Variants in TMEM210 observed in about 807,000 individuals in gnomAD.
TMEM210 encodes transmembrane protein 210.
TMEM210 carries 7 observed loss-of-function variants against 10.3 expected under a neutral mutation model. That is an observed-to-expected ratio of 0.68 (90% confidence interval 0.39 to 1.28). The LOEUF (loss-of-function observed/expected upper bound fraction) is 1.28, where lower values mean the gene tolerates loss of function less well. Among genes scored for constraint, TMEM210 ranks in the 50% most tolerant of loss-of-function variants. The probability of loss-of-function intolerance (pLI) is 0.01; values close to 1 mark genes in which losing one functional copy is unlikely to be tolerated. For missense variants in TMEM210, 185 were observed against 197.8 expected (o/e 0.94, Z 0.39); for synonymous variants, 79 against 81.2 (o/e 0.97, Z 0.14).
rs1834095067 is a variant in TMEM210, at chr9:137,170,977, A to G, written c.442T>C (p.Ter148GlnextTer26). 32 of 1,533,752 alleles carry G rather than the reference A, an allele frequency of 2.1e-5. No homozygotes were observed. Among genetic ancestry groups the G allele is most frequent in the Non-Finnish European group, 2.4e-5 (27 of 1,145,872 alleles). Residue 148 changes from the stop codon to glutamine (Q), a stop_lost, in exon 4 of 4, where the codon TAG becomes CAG. Transcript: ENST00000413619. ...PPPPPPLPPE[*>Q] Reference sequence around the variant, plus strand: ...CTCCCCCAGCTGCCCTCAGCCCTCTACTCAGGTGGTAGGGGCGGGGGTGGT... The same window carrying G: ...CTCCCCCAGCTGCCCTCAGCCCTCTGCTCAGGTGGTAGGGGCGGGGGTGGT...
rs772373912 is a variant in TMEM210 at position 137,171,089 on chromosome 9, G to C, written c.330C>G (p.Asp110Glu). The change falls in exon 4 of 4, where the codon GAC (aspartate) becomes GAG (glutamate). Residue 110 changes from aspartate to glutamate, a missense_variant. Coordinates refer to ENST00000413619, the MANE Select transcript of TMEM210 (RefSeq NM_001282477.2). Reference sequence around the variant, plus strand: ...GCACCAGGGAGACCTCCAGGTCAGCGTCCATTAGCTGGGACTCCACGTAAA... The same window carrying C: ...GCACCAGGGAGACCTCCAGGTCAGCCTCCATTAGCTGGGACTCCACGTAAA... Reference protein sequence around the residue: ...HPVYVESQLMDADLEVSLVPP... With the variant: ...HPVYVESQLMEADLEVSLVPP... The C allele has an allele frequency of 2.0e-6, 3 of 1,535,298 alleles. No homozygotes were observed. The highest frequency in any genetic ancestry group is 2.7e-5 in the African/African-American group (2 of 72,972).
rs1834114530 is a variant in TMEM210 at position 137,171,794 on chromosome 9, C to G, written c.89-18G>C. 2 of 1,519,880 alleles carry G rather than the reference C, an allele frequency of 1.3e-6. No homozygotes were observed. Among genetic ancestry groups the G allele is most frequent in the Non-Finnish European group, 1.8e-6 (2 of 1,137,656 alleles). 94.1% of individuals were successfully genotyped at this position (1,519,880 alleles called of 1,614,324 possible). A position where few individuals can be genotyped will look rare whatever the true frequency, so the allele number is the denominator to read the frequency against. On this transcript the variant is annotated intron_variant, in intron 1 of 3. Transcript: ENST00000413619. ...GGTTCCAGCTGCAGAGACAGGGCCACATGGCCATGGGCCGGTCACCTGCCT... is the reference window on the plus strand; with the variant it reads ...GGTTCCAGCTGCAGAGACAGGGCCAGATGGCCATGGGCCGGTCACCTGCCT...
At chr9:137,171,218 C>G in intron 3 of TMEM210, 54 bp from the exon 4 acceptor site, 1 of 1,513,200 alleles carries the variant, frequency 6.6e-7, no homozygotes, top group Non-Finnish European at 8.8e-7. Flanking sequence ...TCCCCCAGGA[C>G]AGGCTGGCGT....
intron 3 of TMEM210, 44 bp downstream of exon 3, chr9:137,171,370 C>T (rs1834104085): frequency 1.3e-6 from 2 of 1,535,346 alleles, no homozygotes; most frequent in Middle Eastern, 1.7e-4. Flanking sequence ...CAAGGGCCTC[C>T]CCTGAGACAG....
At chr9:137,171,468 G>C in intron 2 of TMEM210, 25 bp from the exon 3 acceptor site, 1 of 1,535,522 alleles carries the variant, frequency 6.5e-7, no homozygotes, top group Non-Finnish European at 8.7e-7. Context: ...GCCAACATGA[G>C]TCCTGGAACA....
rs1214682454 is a variant in TMEM210, at chr9:137,172,047, G to T, written c.-20C>A. ...GGCCATGTCCAGCCCTGGCCCCACT[G>T]CACACCTCTGACGGAACTGTTGGAA... On this transcript the variant is annotated 5_prime_UTR_variant, in exon 1 of 4. Transcript: ENST00000413619. 1.5e-6 allele frequency: 2 copies of T among 1,374,326 alleles called. No homozygotes were observed. Among genetic ancestry groups the T allele is most frequent in the Non-Finnish European group, 1.9e-6 (2 of 1,067,340 alleles). The allele number at this position is 1,374,326 out of a possible 1,614,324, so 85.1% of individuals were successfully genotyped here.
intron 1 of TMEM210, 36 bp from the exon 2 acceptor site, chr9:137,171,812 A>C (rs1588752158): frequency 6.7e-7 from 1 of 1,487,458 alleles, no homozygotes; most frequent in South Asian, 1.3e-5. Flanking sequence ...TGGGCCGGTC[A>C]CCTGCCTGCA....
chr9:137,170,921 G>A lies in TMEM210; in HGVS notation c.*54C>T. The A allele has an allele frequency of 6.7e-7, 1 of 1,497,974 alleles. No individual in the cohort carries two copies. The highest frequency in any genetic ancestry group is 8.9e-7 in the Non-Finnish European group (1 of 1,123,376). 92.8% of individuals were successfully genotyped at this position (1,497,974 alleles called of 1,614,324 possible). Reference sequence around the variant, plus strand: ...CTCAGGAGGGCCTGCAGGGAGGACAGTGCACAGCCACTAAATACGCTTTAA... The same window carrying A: ...CTCAGGAGGGCCTGCAGGGAGGACAATGCACAGCCACTAAATACGCTTTAA... On this transcript the variant is annotated 3_prime_UTR_variant, in exon 4 of 4. Coordinates refer to ENST00000413619, the MANE Select transcript of TMEM210 (RefSeq NM_001282477.2).
Position 137,171,083 on chromosome 9 carries a change from G to A in TMEM210, c.336C>T (p.Asp112=), listed in dbSNP as rs61733477. 5.0e-4 allele frequency: 775 copies of A among 1,535,404 alleles called. 5 individuals are homozygous for A. In the Middle Eastern group the frequency reaches 0.013, roughly 26 times the overall value. ...GTGGTGGCACCAGGGAGACCTCCAG[G>A]TCAGCGTCCATTAGCTGGGACTCCA... The part of the protein sequence containing the change: ...VYVESQLMDA[D]LEVSLVPPLE... The change falls in exon 4 of 4, where the codon GAC becomes GAT. Residue 112 remains aspartate, a synonymous_variant. Coordinates refer to ENST00000413619, the MANE Select transcript of TMEM210 (RefSeq NM_001282477.2).
At position 137,171,383 on chromosome 9, in the gene TMEM210, TGCCTCCCTCGAGG is replaced by T; in HGVS notation, c.254+18_254+30del. 5.2e-6 allele frequency: 8 copies of T among 1,535,384 alleles called. No individual in the cohort carries two copies. Among genetic ancestry groups the T allele is most frequent in the Non-Finnish European group, 7.0e-6 (8 of 1,146,580 alleles). On this transcript the variant is annotated intron_variant, in intron 3 of 3. Coordinates refer to ENST00000413619, the MANE Select transcript of TMEM210 (RefSeq NM_001282477.2). ...GCCAAGGGCCTCCCCTGAGACAGCGTGCCTCCCTCGAGGGCCTCCCTGGTGCTCACCTGTTGTC... is the reference window on the plus strand; with the variant it reads ...GCCAAGGGCCTCCCCTGAGACAGCGTGCCTCCCTGGTGCTCACCTGTTGTC...
rs1834116705 is a variant in TMEM210, at chr9:137,171,944, A to G, written c.84T>C (p.Ala28=). 1 of 1,433,586 alleles carries G rather than the reference A, an allele frequency of 7.0e-7. No individual in the cohort carries two copies. Among genetic ancestry groups the G allele is most frequent in the Non-Finnish European group, 9.1e-7 (1 of 1,097,280 alleles). The allele number at this position is 1,433,586 out of a possible 1,614,324, so 88.8% of individuals were successfully genotyped here. The change falls in exon 1 of 4, where the codon GCT becomes GCC. Residue 28 remains alanine, a synonymous_variant. Coordinates refer to ENST00000413619, the MANE Select transcript of TMEM210 (RefSeq NM_001282477.2). ...LTYLSLLLIP[A]AAGTYCECSL... is the part of the protein sequence containing the mutation. ...TGCGGGGGCAGGAGGAGGCACCTGC[A>G]GCAGGGATGAGCAGAAGGGACAAAT...
Position 137,171,078 on chromosome 9 carries a change from T to C in TMEM210, c.341A>G (p.Glu114Gly), listed in dbSNP as rs1459031117. ...CTCTAGTGGTGGCACCAGGGAGACC[T>C]CCAGGTCAGCGTCCATTAGCTGGGA... ...VESQLMDADL[E>G]VSLVPPLEDQ... The change falls in exon 4 of 4, where the codon GAG (glutamate) becomes GGG (glycine). Residue 114 changes from glutamate to glycine, a missense_variant. Transcript: ENST00000413619. The C allele has an allele frequency of 6.5e-7, 1 of 1,535,372 alleles. No individual in the cohort carries two copies.
chr9:137,171,329 C>T, intron 3 of TMEM210, 85 bp downstream of exon 3: 2 of 1,526,734 alleles, frequency 1.3e-6, no homozygotes, highest in South Asian at 2.4e-5. Context: ...CCCTCCTCCT[C>T]CAGGGACTCC....
chr9:137,171,801 A>T, intron 1 of TMEM210, 25 bp from the exon 2 acceptor site: 2 of 1,504,240 alleles, frequency 1.3e-6, no homozygotes, highest in Non-Finnish European at 1.8e-6. Flanking sequence ...CCACATGGCC[A>T]TGGGCCGGTC....
At chr9:137,171,297 C>T (rs1834102178) in intron 3 of TMEM210, 117 bp downstream of exon 3, 14 of 1,492,868 alleles carry the variant, frequency 9.4e-6, no homozygotes, top group Non-Finnish European at 1.3e-5. Flanking sequence ...GGACAGCACC[C>T]CTCCTCCTCC....
Position 137,170,996 on chromosome 9 carries a change from G to GGGT in TMEM210, c.420_422dup (p.Pro143dup), listed in dbSNP as rs1473093847. 6.5e-7 allele frequency: 1 copy of GGGT among 1,534,580 alleles called. No individual in the cohort carries two copies. Among genetic ancestry groups the GGGT allele is most frequent in the South Asian group, 1.2e-5 (1 of 84,028 alleles). Reference sequence around the variant, plus strand: ...CCCTCTACTCAGGTGGTAGGGGCGGGGGTGGTGGCGGCTCCTCTGAAGAAG... The same window carrying GGGT: ...CCCTCTACTCAGGTGGTAGGGGCGGGGGTGGTGGTGGCGGCTCCTCTGAAGAAG... On this transcript the variant is annotated inframe_insertion, in exon 4 of 4. Coordinates refer to ENST00000413619, the MANE Select transcript of TMEM210 (RefSeq NM_001282477.2).
chr9:137,171,032 G>C lies in TMEM210; in HGVS notation c.387C>G (p.Ile129Met), dbSNP rs1834096546. The C allele has an allele frequency of 6.5e-7, 1 of 1,535,210 alleles. No homozygotes were observed. The highest frequency in any genetic ancestry group is 2.0e-5 in the Admixed American group (1 of 50,948). The change falls in exon 4 of 4, where the codon ATC becomes ATG. Residue 129 changes from isoleucine (I) to methionine (M), a missense_variant. Coordinates refer to ENST00000413619, the MANE Select transcript of TMEM210 (RefSeq NM_001282477.2). ...PPLEDQSLVA[I>M]PMEASSEEPP... ...GCTCCTCTGAAGAAGCCTCCATGGG[G>C]ATGGCCACAAGGCTCTGATCCTCTA...
intron 2 of TMEM210, 68 bp downstream of exon 2, chr9:137,171,573 A>G: frequency 2.0e-6 from 3 of 1,529,420 alleles, no homozygotes; most frequent in Non-Finnish European, 2.6e-6. Context: ...CCTTCTTGCA[A>G]GACCAAGGGC....
At position 137,170,966 on chromosome 9, in the gene TMEM210, C is replaced by T. The variant is rs1248225365; in HGVS notation, c.*9G>A. ...CTTTAATTCCCCTCCCCCAGCTGCC[C>T]TCAGCCCTCTACTCAGGTGGTAGGG... On this transcript the variant is annotated 3_prime_UTR_variant, in exon 4 of 4. Transcript: ENST00000413619. 6.5e-7 allele frequency: 1 copy of T among 1,531,524 alleles called. No homozygotes were observed. Among genetic ancestry groups the T allele is most frequent in the East Asian group, 2.5e-5 (1 of 40,792 alleles). 94.9% of individuals were successfully genotyped at this position (1,531,524 alleles called of 1,614,324 possible).
Sources: allele counts gnomAD v4.1 joint callset, GRCh38; gene constraint gnomAD v4.1.1; transcripts MANE v1.5; gene names NCBI Gene and HGNC (gene_info 2026-07-23, HGNC 2026-07-21).